DENND3: variants seen among roughly 807,000 people sequenced by gnomAD.
DENND3 encodes DENN domain containing 3, also known as DENN domain-containing protein 3.
In DENND3, 88 loss-of-function variants were observed where a neutral mutation model predicts 135.1. The observed-to-expected ratio is 0.65, with a 90% CI of 0.55 to 0.78. DENND3 has a LOEUF of 0.78. DENND3 is among the 30% of genes least tolerant of loss of function. The pLI is 0.00. For synonymous variants in DENND3, 693 were observed against 712.3 expected, an observed-to-expected ratio of 0.97 and a Z score of 0.43; for missense variants, 1,392 against 1,688.4, an observed-to-expected ratio of 0.82 and a Z score of 3.08.
chr8:141,168,155 C>A lies in DENND3; in HGVS notation c.1905C>A (p.Leu635=). ...TTCTGGCCCCCGATAACTCTCTGCT[C>A]CTGGCCCGCTATTTGTACCTCCGAG... The part of the protein sequence containing the change: ...MCFLAPDNSL[L]LARYLYLRGL... The change falls in exon 13 of 23, where the codon CTC becomes CTA. Residue 635 remains leucine, a synonymous_variant. Coordinates refer to ENST00000519811, the MANE Select transcript of DENND3 (RefSeq NM_001352890.3). This position sits in a 1 kb window ranked among gnomAD's most constrained non-coding sequence, Gnocchi z 6.2. The A allele has an allele frequency of 6.2e-7, 1 of 1,614,224 alleles. No individual in the cohort carries two copies. Among genetic ancestry groups the A allele is most frequent in the Non-Finnish European group, 8.5e-7 (1 of 1,180,054 alleles).
intron 5 of DENND3, among the ~76,000 whole-genome samples, chr8:141,148,582 A>C (rs896646328): frequency 6.6e-6 from 1 of 152,058 alleles, no homozygotes; most frequent in African/African-American, 2.4e-5. Context: ...TCAAGCTGAG[A>C]TTTGGAAACT....
chr8:141,193,946 G>A (rs913552953), intron 22 of DENND3, 87 bp from the exon 23 acceptor site: 119 of 1,414,568 alleles, frequency 8.4e-5, no homozygotes, highest in Non-Finnish European at 1.1e-4. Flanking sequence ...GGAGGCACAC[G>A]CGTCAATTCT....
At chr8:141,134,547 A>G (rs1016549108) in intron 1 of DENND3, among the ~76,000 whole-genome samples, 34 of 152,118 alleles carry the variant, frequency 2.2e-4, no homozygotes, top group Non-Finnish European at 1.5e-4. Context: ...TGCTGAGATT[A>G]CAAGCGTAAG....
intron 9 of DENND3, among the ~76,000 whole-genome samples, chr8:141,162,658 G>T (rs1470569445): frequency 1.3e-5 from 2 of 152,128 alleles, no homozygotes; most frequent in African/African-American, 4.8e-5. Context: ...GAAGTGGGCC[G>T]GGCTCGGTGG....
At chr8:141,171,402 G>C (rs2154613237) in intron 13 of DENND3, among the ~76,000 whole-genome samples, 1 of 152,356 alleles carries the variant, frequency 6.6e-6, no homozygotes, top group East Asian at 1.9e-4. Flanking sequence ...GCCTTCCCCA[G>C]GGACGCTGAC....
intron 5 of DENND3, among the ~76,000 whole-genome samples, chr8:141,145,931 C>A (rs1818070396): frequency 6.7e-6 from 1 of 148,772 alleles, no homozygotes; most frequent in Non-Finnish European, 1.5e-5. Context: ...TCACTGCAAG[C>A]TCTGCCTCCT....
chr8:141,194,312 G>A lies in DENND3; in HGVS notation c.*79G>A, dbSNP rs1302127839. 10 of 1,520,774 alleles carry A rather than the reference G, an allele frequency of 6.6e-6. No homozygotes were observed. Among genetic ancestry groups the A allele is most frequent in the Non-Finnish European group, 8.9e-6 (10 of 1,122,044 alleles). 94.2% of individuals were successfully genotyped at this position (1,520,774 alleles called of 1,614,324 possible). On this transcript the variant is annotated 3_prime_UTR_variant, in exon 23 of 23. Transcript: ENST00000519811. Reference sequence around the variant, plus strand: ...CCCCTAGAGCCTGCCAGGAGCAGAAGCCTGGAGGGGTGGCAGGGCAGAGCA... The same window carrying A: ...CCCCTAGAGCCTGCCAGGAGCAGAAACCTGGAGGGGTGGCAGGGCAGAGCA...
chr8:141,155,816 A>G (rs970024204), intron 7 of DENND3, 33 bp from the exon 8 acceptor site: 2 of 1,549,562 alleles, frequency 1.3e-6, no homozygotes, highest in Admixed American at 2.1e-5. Context: ...AAATTCTTTT[A>G]TCAATCTTTA....
chr8:141,157,811 G>T (rs1367885079), intron 8 of DENND3: 76 of 975,706 alleles, frequency 7.8e-5, no homozygotes, highest in Non-Finnish European at 8.8e-5. Context: ...CCAGGCTGGG[G>T]TGCAGTGGCG....
intron 22 of DENND3, 170 bp downstream of exon 22, chr8:141,192,833 G>A (rs761271471): frequency 6.5e-7 from 1 of 1,546,362 alleles, no homozygotes; most frequent in East Asian, 2.4e-5. Context: ...GGGCCCACAG[G>A]TCACCATGTG....
rs774140215 is a variant in DENND3 at position 141,192,636 on chromosome 8, C to A, written c.3609C>A (p.Ile1203=). 11 of 1,606,064 alleles carry A rather than the reference C, an allele frequency of 6.8e-6. No homozygotes were observed. The South Asian group carries it at 1.1e-4, about 16-fold the overall frequency. The change falls in exon 22 of 23, where the codon ATC becomes ATA. Residue 1203 remains isoleucine, a synonymous_variant. Coordinates refer to ENST00000519811, the MANE Select transcript of DENND3 (RefSeq NM_001352890.3). ...QRVPLEDCSE[I]NCMIRVKKQV... ...TGCCCCTCGAGGACTGCTCTGAGAT[C>A]AACTGCATGATCCGGGTGAAGAAGC...
intron 7 of DENND3, among the ~76,000 whole-genome samples, chr8:141,153,866 G>T (rs1183658712): frequency 1.3e-5 from 2 of 152,258 alleles, no homozygotes; most frequent in Non-Finnish European, 2.9e-5. Flanking sequence ...CCAGTCAGCA[G>T]TGGGGGACAC....
In DENND3 at chr8:141,150,901, A is replaced by C; in HGVS notation, c.803A>C (p.Asp268Ala). The C allele has an allele frequency of 1.2e-6, 2 of 1,609,922 alleles. No individual in the cohort carries two copies. Among genetic ancestry groups the C allele is most frequent in the South Asian group, 2.2e-5 (2 of 90,442 alleles). The stretch of plus-strand genomic sequence containing the variant: ...GCAGACCCCGAAAGCCCCATCCTGG[A>C]CCTGGACCTTCACCTGCCCTTGCTG... Reference protein sequence around the residue: ...ARADPESPILDLDLHLPLLCF... With the variant: ...ARADPESPILALDLHLPLLCF... Residue 268 changes from aspartate to alanine, a missense_variant, in exon 6 of 23, where the codon GAC (aspartate) becomes GCC (alanine). By Grantham distance (126) the Asp-to-Ala change is moderately radical. Transcript: ENST00000519811.
In DENND3 at chr8:141,128,711, G is replaced by A; in HGVS notation, c.4G>A (p.Ala2Thr). The change falls in exon 1 of 23, where the codon GCG becomes ACG. Residue 2 changes from alanine to threonine, a missense_variant. Transcript: ENST00000519811. This position sits in a 1 kb window ranked among gnomAD's most constrained non-coding sequence, Gnocchi z 4.5. The part of the protein sequence containing the change: M[A>T]EAASPHLSLP... Reference sequence around the variant, plus strand: ...TGGCGGCGGGCGGCGGGCAGCCATGGCGGAGGCCGCGTCGCCGCACTTGTC... The same window carrying A: ...TGGCGGCGGGCGGCGGGCAGCCATGACGGAGGCCGCGTCGCCGCACTTGTC... 1 of 1,409,508 alleles carries A rather than the reference G, an allele frequency of 7.1e-7. No homozygotes were observed. The allele number at this position is 1,409,508 out of a possible 1,614,324, so 87.3% of individuals were successfully genotyped here.
chr8:141,155,730 C>A, intron 7 of DENND3, 119 bp from the exon 8 acceptor site: 2 of 1,304,092 alleles, frequency 1.5e-6, no homozygotes, highest in Non-Finnish European at 2.0e-6. Context: ...TAAAGAGGGT[C>A]ATTTAATTAA....
At chr8:141,171,822 G>C (rs1024622084) in intron 13 of DENND3, among the ~76,000 whole-genome samples, 8 of 150,922 alleles carry the variant, frequency 5.3e-5, no homozygotes, top group Non-Finnish European at 1.5e-5. Context: ...CAGTGGCCGT[G>C]GGTGTGCACT....
Position 141,144,215 on chromosome 8 carries a change from A to T in DENND3, c.691A>T (p.Lys231Ter). The T allele has an allele frequency of 6.2e-7, 1 of 1,614,024 alleles. No individual in the cohort carries two copies. The highest frequency in any genetic ancestry group is 8.5e-7 in the Non-Finnish European group (1 of 1,179,976). Residue 231 changes from lysine to a stop codon, truncating the protein, a stop_gained, in exon 5 of 23, where the codon AAG becomes TAG. Transcript: ENST00000519811. LOFTEE classifies it high-confidence loss of function. The surrounding 1 kb of genome is among the most constrained non-coding windows in gnomAD (Gnocchi z 4.4). ...VDSHIKDFAAKLSLIPSPPPG... is the reference protein window; with the variant it reads ...VDSHIKDFAA ...CAGTCATATAAAAGATTTCGCTGCGAAGCTGTCTTTAATACCCAGCCCGCC... is the reference window on the plus strand; with the variant it reads ...CAGTCATATAAAAGATTTCGCTGCGTAGCTGTCTTTAATACCCAGCCCGCC...
intron 13 of DENND3, chr8:141,173,465 C>T (rs1353369651): frequency 6.6e-6 from 1 of 152,222 alleles, no homozygotes; most frequent in Non-Finnish European, 1.5e-5. Flanking sequence ...CCGGCAGTGC[C>T]TGTGACTCGG....
chr8:141,173,942 G>A (rs1477331819), intron 13 of DENND3, among the ~76,000 whole-genome samples: 2 of 152,198 alleles, frequency 1.3e-5, no homozygotes, highest in African/African-American at 4.8e-5. Flanking sequence ...GGTTCTTGGG[G>A]TGTAGCAAGT....
Sources: allele counts gnomAD v4.1 joint callset (sites outside exome capture counted in the v4.1 genomes callset), GRCh38; gene constraint gnomAD v4.1.1; non-coding constraint Gnocchi (gnomAD v3.1); transcripts MANE v1.5; gene names NCBI Gene and HGNC (gene_info 2026-07-23, HGNC 2026-07-21).